The following PLXDC2 variants were observed in gnomAD, a reference collection of about 807,000 sequenced individuals.
PLXDC2 encodes the protein plexin domain-containing protein 2.
Under a neutral mutation model 68.9 loss-of-function variants are expected in PLXDC2, and 40 were observed. The ratio of observed to expected loss-of-function variants is 0.58; its 90% CI spans 0.45 to 0.76. The LOEUF is 0.76. Ranked by LOEUF, PLXDC2 falls within the 30% of genes least tolerant of loss-of-function variation. The probability of loss-of-function intolerance (pLI) is 0.00; values close to 1 mark genes in which losing one functional copy is unlikely to be tolerated. For missense variants in PLXDC2, 644 were observed against 661.9 expected, an observed-to-expected ratio of 0.97 and a Z score of 0.30; for synonymous variants, 243 against 234.2, an observed-to-expected ratio of 1.04 and a Z score of -0.34.
intron 7 of PLXDC2, among the ~76,000 whole-genome samples, chr10:20,175,767 G>T (rs1834518534): frequency 6.6e-6 from 1 of 152,156 alleles, no homozygotes; most frequent in Non-Finnish European, 1.5e-5. Context: ...AGGATGTCCA[G>T]GCTGCATTGA....
At chr10:20,097,893 A>G (rs1833372348) in intron 4 of PLXDC2, among the ~76,000 whole-genome samples, 1 of 148,912 alleles carries the variant, frequency 6.7e-6, no homozygotes, top group South Asian at 2.1e-4. Flanking sequence ...TTTATATAGT[A>G]TTAAGTTATA....
intron 6 of PLXDC2, among the ~76,000 whole-genome samples, chr10:20,157,289 GA>G (rs1465073250): frequency 6.6e-6 from 1 of 152,114 alleles, no homozygotes; most frequent in Non-Finnish European, 1.5e-5. Context: ...GATTAGCAGG[GA>G]AACAAAAATG....
chr10:20,062,635 G>A (rs1836127252), intron 3 of PLXDC2, among the ~76,000 whole-genome samples: 1 of 152,000 alleles, frequency 6.6e-6, no homozygotes, highest in South Asian at 2.1e-4. Context: ...ATGATAAAAT[G>A]TGTGTTTTAT....
chr10:20,248,835 C>T (rs933740655), intron 13 of PLXDC2, among the ~76,000 whole-genome samples: 1 of 152,138 alleles, frequency 6.6e-6, no homozygotes, highest in African/African-American at 2.4e-5. Flanking sequence ...TAACAACATT[C>T]TTTTCTTGCC....
intron 3 of PLXDC2, among the ~76,000 whole-genome samples, chr10:20,058,797 A>T (rs1020070290): frequency 1.1e-4 from 17 of 152,200 alleles, no homozygotes; most frequent in Non-Finnish European, 1.5e-5. Context: ...TTTTAAAGAC[A>T]CTTGTCTAGC....
At chr10:20,224,726 A>G (rs1835264057) in intron 12 of PLXDC2, among the ~76,000 whole-genome samples, 1 of 152,236 alleles carries the variant, frequency 6.6e-6, no homozygotes, top group Non-Finnish European at 1.5e-5. Flanking sequence ...ATTTGATTTC[A>G]TTATTCAAAA....
At chr10:19,838,061 C>T (rs967301598) in intron 1 of PLXDC2, among the ~76,000 whole-genome samples, 1 of 152,032 alleles carries the variant, frequency 6.6e-6, no homozygotes, top group Non-Finnish European at 1.5e-5. Flanking sequence ...TGCAGTGGTA[C>T]GATCATGACT....
intron 13 of PLXDC2, among the ~76,000 whole-genome samples, chr10:20,259,491 T>C (rs1220956523): frequency 6.6e-6 from 1 of 152,204 alleles, no homozygotes; most frequent in Non-Finnish European, 1.5e-5. Flanking sequence ...CTGTGGACAA[T>C]ATTTACAAAA....
At chr10:19,956,131 C>G (rs755813929) in intron 1 of PLXDC2, among the ~76,000 whole-genome samples, 3 of 152,050 alleles carry the variant, frequency 2.0e-5, no homozygotes, top group Non-Finnish European at 4.4e-5. Flanking sequence ...CATATCATCT[C>G]TATTAGGCTG....
intron 1 of PLXDC2, among the ~76,000 whole-genome samples, chr10:19,966,954 C>T (rs978368174): frequency 2.6e-5 from 4 of 152,178 alleles, no homozygotes; most frequent in Admixed American, 1.3e-4. Flanking sequence ...AGCCACATTC[C>T]GGAGCTGTGA....
At chr10:20,033,375 G>T (rs1360519620) in intron 2 of PLXDC2, among the ~76,000 whole-genome samples, 1 of 152,044 alleles carries the variant, frequency 6.6e-6, no homozygotes, top group Non-Finnish European at 1.5e-5. Context: ...ATAAGGGGAT[G>T]CTGAAACACA....
chr10:20,005,810 A>T (rs1397997519), intron 2 of PLXDC2, among the ~76,000 whole-genome samples: 1 of 152,206 alleles, frequency 6.6e-6, no homozygotes, highest in Non-Finnish European at 1.5e-5. Flanking sequence ...CCCACCTCCA[A>T]CACTGGGATT....
At chr10:20,263,431 C>T (rs1835833588) in intron 13 of PLXDC2, among the ~76,000 whole-genome samples, 1 of 152,116 alleles carries the variant, frequency 6.6e-6, no homozygotes, top group South Asian at 2.1e-4. Flanking sequence ...GAAATACCAT[C>T]CTGACATAGA....
chr10:19,987,667 T>A (rs563013699), intron 1 of PLXDC2, among the ~76,000 whole-genome samples: 26 of 151,684 alleles, frequency 1.7e-4, no homozygotes, highest in Non-Finnish European at 3.1e-4. Flanking sequence ...GTTCACGCCA[T>A]TCTCCTGCCT....
intron 12 of PLXDC2, among the ~76,000 whole-genome samples, chr10:20,226,845 T>C (rs1349744550): frequency 6.6e-6 from 1 of 152,156 alleles, no homozygotes; most frequent in Non-Finnish European, 1.5e-5. Flanking sequence ...TCTCATTTTC[T>C]ACCTGCCCTG....
rs147431256 is a variant in PLXDC2 at position 19,860,386 on chromosome 10, A to G, written c.112+43195A>G. Among the ~76,000 whole-genome samples the G allele has an allele frequency of 4.1e-4, 63 of 152,316 alleles. No individual in the cohort carries two copies. The East Asian group carries it at 0.012, about 29-fold the overall frequency. Reference sequence around the variant, plus strand: ...GCAAGAATGCCTGGCATAGGGTCCAATATTGTGCCTAGTGCACTTCATAAA... The same window carrying G: ...GCAAGAATGCCTGGCATAGGGTCCAGTATTGTGCCTAGTGCACTTCATAAA... On this transcript the variant is annotated intron_variant, in intron 1 of 13. Coordinates refer to ENST00000377252, the MANE Select transcript of PLXDC2 (RefSeq NM_032812.9).
At chr10:19,882,935 A>AT (rs11347602) in intron 1 of PLXDC2, among the ~76,000 whole-genome samples, 25 of 112,016 alleles carry the variant, frequency 2.2e-4, no homozygotes, top group Admixed American at 3.1e-4. Context: ...GGCAATTAAA[A>AT]TTTTTTTTTT....
At chr10:19,865,599 G>A (rs16919473) in intron 1 of PLXDC2, among the ~76,000 whole-genome samples, 11,682 of 152,146 alleles carry the variant, frequency 0.077, 1,479 homozygotes, top group African/African-American at 0.27. Flanking sequence ...GTAAAAAAAC[G>A]TCGAAAGTAC....
chr10:19,954,473 C>T (rs1017501021), intron 1 of PLXDC2, among the ~76,000 whole-genome samples: 6 of 152,152 alleles, frequency 3.9e-5, no homozygotes, highest in African/African-American at 1.2e-4. Context: ...TTATTATTTG[C>T]ACATGATATC....
Sources: allele counts gnomAD v4.1 joint callset (sites outside exome capture counted in the v4.1 genomes callset), GRCh38; gene constraint gnomAD v4.1.1; transcripts MANE v1.5; gene names NCBI Gene and HGNC (gene_info 2026-07-23, HGNC 2026-07-21).